Variants in GPATCH2 observed in about 807,000 individuals in gnomAD.
GPATCH2 encodes G-patch domain containing 2.
Under a neutral mutation model 58.0 loss-of-function variants are expected in GPATCH2, and 51 were observed. The ratio of observed to expected loss-of-function variants is 0.88; its 90% CI spans 0.70 to 1.11. The LOEUF is 1.11. Among genes scored for constraint, GPATCH2 ranks in the 50% most tolerant of loss-of-function variants. The probability of loss-of-function intolerance (pLI) is 0.00; values close to 1 mark genes in which losing one functional copy is unlikely to be tolerated. For missense variants in GPATCH2, 625 were observed against 652.2 expected (o/e 0.96, Z 0.45); for synonymous variants, 222 against 218.5 (o/e 1.02, Z -0.14).
intron 8 of GPATCH2, among the ~76,000 whole-genome samples, chr1:217,467,172 G>A (rs866632698): frequency 3.3e-5 from 5 of 152,148 alleles, no homozygotes; most frequent in South Asian, 2.1e-4. Flanking sequence ...GTGAGACTCC[G>A]TCTCAAAAGC....
At chr1:217,467,565 G>A (rs1258429390) in intron 8 of GPATCH2, among the ~76,000 whole-genome samples, 5 of 152,060 alleles carry the variant, frequency 3.3e-5, no homozygotes, top group African/African-American at 7.2e-5. Context: ...AATAAAATGA[G>A]TATTCCATTG....
At chr1:217,510,446 A>C (rs2102571836) in intron 6 of GPATCH2, among the ~76,000 whole-genome samples, 1 of 150,994 alleles carries the variant, frequency 6.6e-6, no homozygotes, top group Non-Finnish European at 1.5e-5. Context: ...TTCTTCTTAA[A>C]CTCCTGTTTA....
At chr1:217,469,130 G>C (rs1235543800) in intron 8 of GPATCH2, among the ~76,000 whole-genome samples, 1 of 152,024 alleles carries the variant, frequency 6.6e-6, no homozygotes, top group Non-Finnish European at 1.5e-5. Context: ...ACTGTAACTT[G>C]ATTTAAAAAG....
chr1:217,523,926 C>A (rs1453386769), intron 5 of GPATCH2, among the ~76,000 whole-genome samples: 2 of 80,414 alleles, frequency 2.5e-5, no homozygotes, highest in East Asian at 7.9e-4. Flanking sequence ...CCCTCCCGGA[C>A]GGGGCAGTTG....
At chr1:217,610,819 C>A in intron 4 of GPATCH2, 70 bp downstream of exon 4, 1 of 1,061,778 alleles carries the variant, frequency 9.4e-7, no homozygotes, top group Non-Finnish European at 1.4e-6. Context: ...TTTATCTTAT[C>A]CTCCTTGAAT....
At chr1:217,466,887 T>C (rs753254663) in intron 8 of GPATCH2, among the ~76,000 whole-genome samples, 1 of 152,100 alleles carries the variant, frequency 6.6e-6, no homozygotes, top group Non-Finnish European at 1.5e-5. Context: ...TGAAAGGATA[T>C]ATCTGCTGGG....
intron 5 of GPATCH2, among the ~76,000 whole-genome samples, chr1:217,599,314 T>C (rs750672494): frequency 5.3e-5 from 8 of 152,070 alleles, no homozygotes; most frequent in Non-Finnish European, 1.2e-4. Context: ...ATGTGTGATA[T>C]GGATTACAGG....
intron 5 of GPATCH2, among the ~76,000 whole-genome samples, chr1:217,587,822 T>G (rs1414520198): frequency 2.0e-5 from 3 of 152,106 alleles, no homozygotes; most frequent in Admixed American, 6.6e-5. Context: ...AATACATAAT[T>G]TAGTTAAATC....
chr1:217,601,902 C>T lies in GPATCH2; in HGVS notation c.1098+8419G>A, dbSNP rs986709256. Among the ~76,000 whole-genome samples the T allele has an allele frequency of 2.0e-5, 3 of 152,118 alleles. No individual in the cohort carries two copies. The South Asian group carries it at 6.2e-4, about 32-fold the overall frequency. On this transcript the variant is annotated intron_variant, in intron 5 of 9. Coordinates refer to ENST00000366935, the MANE Select transcript of GPATCH2 (RefSeq NM_018040.5). ...GTATCTAACTTGTTCATCACTAACACCCAAGGCCCAGCAGTATCTGATACT... is the reference window on the plus strand; with the variant it reads ...GTATCTAACTTGTTCATCACTAACATCCAAGGCCCAGCAGTATCTGATACT...
chr1:217,449,105 A>C (rs1659535734), intron 9 of GPATCH2, 144 bp downstream of exon 9: 1 of 630,166 alleles, frequency 1.6e-6, no homozygotes, highest in Admixed American at 2.7e-5. Flanking sequence ...ACACCCTGAT[A>C]CCACATGCAA....
chr1:217,609,752 C>A, intron 5 of GPATCH2: 3 of 947,192 alleles, frequency 3.2e-6, no homozygotes, highest in Non-Finnish European at 3.8e-6. Flanking sequence ...TTACAACAGT[C>A]AGATATGTAA....
intron 5 of GPATCH2, among the ~76,000 whole-genome samples, chr1:217,524,829 T>C (rs1456129782): frequency 1.1e-5 from 1 of 92,856 alleles, no homozygotes; most frequent in Non-Finnish European, 2.3e-5. Context: ...CAGCTTCGGC[T>C]TGGCATCAGA....
chr1:217,434,837 T>A (rs1366654916), intron 9 of GPATCH2, among the ~76,000 whole-genome samples: 1 of 152,200 alleles, frequency 6.6e-6, no homozygotes, highest in Non-Finnish European at 1.5e-5. Flanking sequence ...TTTGTTTTTA[T>A]ATAGATGGAA....
At chr1:217,468,027 C>T (rs945928406) in intron 8 of GPATCH2, among the ~76,000 whole-genome samples, 1 of 152,078 alleles carries the variant, frequency 6.6e-6, no homozygotes, top group African/African-American at 2.4e-5. Context: ...GTGAGTTCAC[C>T]TTTGGAAAAT....
At chr1:217,464,738 T>C (rs1485607818) in intron 8 of GPATCH2, among the ~76,000 whole-genome samples, 1 of 152,186 alleles carries the variant, frequency 6.6e-6, no homozygotes, top group Non-Finnish European at 1.5e-5. Context: ...GAATTTTGAT[T>C]GGTTTATGAA....
chr1:217,498,132 G>A, intron 7 of GPATCH2: 1 of 617,488 alleles, frequency 1.6e-6, no homozygotes, highest in Admixed American at 2.7e-5. Flanking sequence ...GAGGTCACAA[G>A]TATGACTGAA....
intron 8 of GPATCH2, among the ~76,000 whole-genome samples, chr1:217,484,336 GA>G (rs750890717): frequency 1.7e-4 from 26 of 151,864 alleles, no homozygotes; most frequent in Non-Finnish European, 3.1e-4. Context: ...TTTTGGATTG[GA>G]ACTAAAAAAT....
At chr1:217,582,722 T>C (rs2102746120) in intron 5 of GPATCH2, among the ~76,000 whole-genome samples, 1 of 152,328 alleles carries the variant, frequency 6.6e-6, no homozygotes, top group South Asian at 2.1e-4. Flanking sequence ...GTGACAGGTA[T>C]ATAAACAATT....
chr1:217,442,219 T>C (rs1174785139), intron 9 of GPATCH2, among the ~76,000 whole-genome samples: 1 of 152,112 alleles, frequency 6.6e-6, no homozygotes, highest in Admixed American at 6.5e-5. Flanking sequence ...GAAACCATCA[T>C]TCTCAGCAAA....
Sources: gnomAD v4.1 joint callset for allele counts (sites outside exome capture counted in the v4.1 genomes callset) on GRCh38, gnomAD v4.1.1 for gene constraint, MANE v1.5 for transcripts, NCBI Gene and HGNC (gene_info 2026-07-23, HGNC 2026-07-21) for gene names.